SHPRH: variants seen among roughly 807,000 people sequenced by gnomAD.
SHPRH encodes SNF2 histone linker PHD RING helicase.
In SHPRH, 106 loss-of-function variants were observed where a neutral mutation model predicts 202.5. The ratio of observed to expected loss-of-function variants is 0.52; its 90% CI spans 0.45 to 0.62. SHPRH has a LOEUF of 0.62. SHPRH is among the 20% of genes least tolerant of loss of function. SHPRH has a pLI of 0.00. For synonymous variants in SHPRH, 729 were observed against 686.0 expected (o/e 1.06, Z -0.98); for missense variants, 1,710 against 2,020.0 (o/e 0.85, Z 2.94).
chr6:145,902,356 ATC>A lies in SHPRH; in HGVS notation c.4516-7381_4516-7380del, dbSNP rs568713106. On this transcript the variant is annotated intron_variant, in intron 25 of 29. Coordinates refer to ENST00000275233, the MANE Select transcript of SHPRH (RefSeq NM_001042683.3). ...TAACTTATTTTTATCACAGAGTTAA[ATC>A]TGATTGGAATAAGGTGTTCTATAGT... is the stretch of plus-strand genomic sequence containing the variant. 2.1e-3 allele frequency among the ~76,000 whole-genome samples: 316 copies of A among 152,272 alleles called. 1 individual carries two copies. Among genetic ancestry groups the A allele is most frequent in the African/African-American group, 7.3e-3 (302 of 41,582 alleles).
chr6:145,947,032 A>G (rs1344404416), intron 6 of SHPRH, among the ~76,000 whole-genome samples: 1 of 152,102 alleles, frequency 6.6e-6, no homozygotes, highest in African/African-American at 2.4e-5. Flanking sequence ...TGGGACAAGG[A>G]CTTGAAGTTT....
intron 8 of SHPRH, 56 bp downstream of exon 8, chr6:145,945,325 T>C: frequency 6.5e-7 from 1 of 1,528,570 alleles, no homozygotes; most frequent in Non-Finnish European, 8.8e-7. Context: ...GTCAATGTAC[T>C]CAGTAAGGTA....
At chr6:145,927,987 C>A (rs1380456510) in intron 14 of SHPRH, among the ~76,000 whole-genome samples, 1 of 151,874 alleles carries the variant, frequency 6.6e-6, no homozygotes, top group Non-Finnish European at 1.5e-5. Flanking sequence ...CTACCCTCTG[C>A]CTATCTGTTG....
chr6:145,955,866 C>T (rs1176713644), intron 1 of SHPRH, among the ~76,000 whole-genome samples: 1 of 151,782 alleles, frequency 6.6e-6, no homozygotes, highest in Non-Finnish European at 1.5e-5. Flanking sequence ...ATATAATTAG[C>T]AGAAACAAAC....
intron 2 of SHPRH, among the ~76,000 whole-genome samples, chr6:145,869,409 T>C (rs1779952252): frequency 6.6e-6 from 1 of 152,234 alleles, no homozygotes; most frequent in South Asian, 2.1e-4. Context: ...AAAAAGTCAT[T>C]GCCAAACCCA....
At chr6:145,867,619 T>TAG (rs1562268447) in intron 2 of SHPRH, among the ~76,000 whole-genome samples, 14 of 70,304 alleles carry the variant, frequency 2.0e-4, no homozygotes, top group Admixed American at 3.1e-4. Context: ...TATATATATA[T>TAG]ATATATATAT....
chr6:145,880,748 C>T (rs1780525643), downstream of SHPRH, among the ~76,000 whole-genome samples: 1 of 151,250 alleles, frequency 6.6e-6, no homozygotes, highest in East Asian at 1.9e-4. Context: ...ATATACATTA[C>T]AAAATATAAT....
intron 28 of SHPRH, among the ~76,000 whole-genome samples, chr6:145,889,029 T>C (rs55946751): frequency 5.1e-4 from 78 of 152,262 alleles, no homozygotes; most frequent in Non-Finnish European, 9.6e-4. Context: ...TTTTGTTTTG[T>C]CCATGTGAAA....
At chr6:145,864,462 A>T (rs1277888018) in exon 3 of SHPRH, 3 of 317,544 alleles carry the variant, frequency 9.4e-6, no homozygotes, top group Admixed American at 4.0e-5. Flanking sequence ...GATGTCATGA[A>T]AACAAAATAA....
intron 25 of SHPRH, chr6:145,909,577 T>C (rs1214108890): frequency 1.3e-5 from 2 of 152,118 alleles, no homozygotes; most frequent in Admixed American, 1.3e-4. Context: ...TTTCAACTTG[T>C]AGCTGATTCT....
intron 25 of SHPRH, among the ~76,000 whole-genome samples, chr6:145,901,592 G>A (rs1252698364): frequency 6.6e-6 from 1 of 152,062 alleles, no homozygotes; most frequent in Non-Finnish European, 1.5e-5. Context: ...GGTAGCCTCT[G>A]GCAAACTCAT....
At chr6:145,860,460 C>G (rs1014504175), downstream of SHPRH, among the ~76,000 whole-genome samples, 1 of 151,916 alleles carries the variant, frequency 6.6e-6, no homozygotes, top group African/African-American at 2.4e-5. Flanking sequence ...AAGACTTGTA[C>G]ATTGAAAACT....
intron 5 of SHPRH, among the ~76,000 whole-genome samples, chr6:145,948,015 CA>C (rs1182415863): frequency 1.1e-4 from 16 of 151,920 alleles, no homozygotes; most frequent in Non-Finnish European, 1.5e-5. Context: ...AACAAGATAA[CA>C]TTTTTACTTT....
chr6:145,880,178 A>G (rs1030996815), downstream of SHPRH, among the ~76,000 whole-genome samples: 1 of 152,110 alleles, frequency 6.6e-6, no homozygotes, highest in Non-Finnish European at 1.5e-5. Context: ...CATTCTAGAA[A>G]CTTCATGAGA....
intron 2 of SHPRH, among the ~76,000 whole-genome samples, chr6:145,874,808 G>A (rs1780227799): frequency 6.6e-6 from 1 of 152,250 alleles, no homozygotes. Context: ...AAAATCTCCT[G>A]AATAAACTTG....
rs968049081 is a variant in SHPRH, at chr6:145,919,371, G to C, written c.4129C>G (p.Leu1377Val). 1.2e-6 allele frequency: 2 copies of C among 1,612,852 alleles called. No individual in the cohort carries two copies. The highest frequency in any genetic ancestry group is 1.7e-6 in the Non-Finnish European group (2 of 1,179,290). The change falls in exon 22 of 30, where the codon CTT (leucine) becomes GTT (valine). Residue 1377 changes from leucine to valine, a missense_variant. Transcript: ENST00000275233. Reference sequence around the variant, plus strand: ...ACCTCATGTGGTTCAATGATATGAAGAACAGGCGGATTAGGCTTTGGCTCC... The same window carrying C: ...ACCTCATGTGGTTCAATGATATGAACAACAGGCGGATTAGGCTTTGGCTCC... Reference protein sequence around the residue: ...PREPKPNPPVLHIIEPHEVEQ... With the variant: ...PREPKPNPPVVHIIEPHEVEQ...
At position 145,918,136 on chromosome 6, in the gene SHPRH, C is replaced by T; in HGVS notation, c.4249G>A (p.Glu1417Lys). The T allele has an allele frequency of 6.2e-7, 1 of 1,606,144 alleles. No individual in the cohort carries two copies. Among genetic ancestry groups the T allele is most frequent in the Non-Finnish European group, 8.5e-7 (1 of 1,176,160 alleles). The change falls in exon 23 of 30, where the codon GAG becomes AAG. Residue 1417 changes from glutamate to lysine, a missense_variant. Physicochemically the swap from Glu to Lys is moderately conservative, Grantham distance 56 (BLOSUM62 1). Coordinates refer to ENST00000275233, the MANE Select transcript of SHPRH (RefSeq NM_001042683.3). ...GCATGTCTTAGAAACAATACCTTCT[C>T]CAAATTAGTTAGGTAAAGAAGCTGC... ...LGQLLYLTNL[E>K]KSQDKTSGGV...
At chr6:145,861,158 C>T (rs1779566500), downstream of SHPRH, among the ~76,000 whole-genome samples, 1 of 152,004 alleles carries the variant, frequency 6.6e-6, no homozygotes, top group African/African-American at 2.4e-5. Flanking sequence ...AGCCTTTGCA[C>T]AGTAAAGAAA....
At chr6:145,893,919 A>T (rs967342359) in intron 27 of SHPRH, among the ~76,000 whole-genome samples, 6 of 152,130 alleles carry the variant, frequency 3.9e-5, no homozygotes, top group African/African-American at 1.4e-4. Flanking sequence ...TGTACTAAAA[A>T]AAAAAAAGAA....
Sources: gnomAD v4.1 joint callset for allele counts (sites outside exome capture counted in the v4.1 genomes callset) on GRCh38, gnomAD v4.1.1 for gene constraint, MANE v1.5 for transcripts, NCBI Gene and HGNC (gene_info 2026-07-23, HGNC 2026-07-21) for gene names.